GRID2: variants seen among roughly 807,000 people sequenced by gnomAD.
The protein encoded by GRID2 is glutamate receptor ionotropic, delta-2.
A neutral mutation model predicts 114.8 loss-of-function variants in GRID2; 33 were observed. The observed-to-expected ratio is 0.29, with a 90% CI of 0.22 to 0.38. The LOEUF is 0.38. GRID2 is among the 10% of genes least tolerant of loss of function. The probability of loss-of-function intolerance (pLI) is 1.00; values close to 1 mark genes in which losing one functional copy is unlikely to be tolerated. For missense variants in GRID2, 1,184 were observed against 1,257.7 expected, an observed-to-expected ratio of 0.94 and a Z score of 0.89; for synonymous variants, 505 against 449.9, an observed-to-expected ratio of 1.12 and a Z score of -1.55.
intron 2 of GRID2, among the ~76,000 whole-genome samples, chr4:92,965,353 A>G (rs982766677): frequency 3.3e-5 from 5 of 150,980 alleles, no homozygotes; most frequent in East Asian, 2.0e-4. Context: ...AGAATTACCA[A>G]AGTGTGACAC....
At chr4:92,947,730 A>C (rs530838088) in intron 2 of GRID2, among the ~76,000 whole-genome samples, 1 of 151,740 alleles carries the variant, frequency 6.6e-6, no homozygotes, top group African/African-American at 2.4e-5. Context: ...GTGTGTTTGT[A>C]ATGATGTAGT....
chr4:93,140,214 A>T (rs1206662933), intron 4 of GRID2, among the ~76,000 whole-genome samples: 1 of 138,740 alleles, frequency 7.2e-6, no homozygotes, highest in Non-Finnish European at 1.5e-5. Flanking sequence ...GCTCGAGTGC[A>T]GTGGCAGGAC....
intron 14 of GRID2, among the ~76,000 whole-genome samples, chr4:93,711,744 T>C (rs1172269113): frequency 6.6e-6 from 1 of 152,200 alleles, no homozygotes; most frequent in Non-Finnish European, 1.5e-5. Flanking sequence ...ATTCTCCATC[T>C]GCACCACATG....
At chr4:92,368,283 T>C (rs1253349488) in intron 1 of GRID2, among the ~76,000 whole-genome samples, 1 of 152,060 alleles carries the variant, frequency 6.6e-6, no homozygotes, top group Admixed American at 6.6e-5. Flanking sequence ...GCTCAGGACC[T>C]AGAGTTGTCC....
intron 13 of GRID2, among the ~76,000 whole-genome samples, chr4:93,520,097 G>T (rs961998025): frequency 2.0e-5 from 3 of 152,176 alleles, no homozygotes; most frequent in African/African-American, 7.2e-5. Context: ...TAGTGAGTAA[G>T]CTTACCCCAG....
intron 1 of GRID2, among the ~76,000 whole-genome samples, chr4:92,322,928 A>C (rs559332277): frequency 6.6e-6 from 1 of 152,102 alleles, no homozygotes; most frequent in Admixed American, 6.6e-5. Context: ...CTGATTTTTA[A>C]AAATCAGAAT....
intron 1 of GRID2, among the ~76,000 whole-genome samples, chr4:92,382,152 A>G (rs948288721): frequency 4.6e-5 from 7 of 151,962 alleles, no homozygotes; most frequent in African/African-American, 1.7e-4. Flanking sequence ...AATTTAGTAA[A>G]ATTTTTATTA....
chr4:93,165,544 T>C (rs529742628), intron 4 of GRID2, among the ~76,000 whole-genome samples: 1 of 152,110 alleles, frequency 6.6e-6, no homozygotes, highest in East Asian at 1.9e-4. Context: ...CAGCAGAGAA[T>C]CAGAATAGGA....
At chr4:92,812,793 A>G (rs562383610) in intron 2 of GRID2, among the ~76,000 whole-genome samples, 1 of 152,256 alleles carries the variant, frequency 6.6e-6, no homozygotes, top group East Asian at 1.9e-4. Flanking sequence ...CATTCAGTCC[A>G]ATAACTCGTT....
intron 1 of GRID2, among the ~76,000 whole-genome samples, chr4:93,782,527 T>G (rs1734500779): frequency 1.3e-5 from 2 of 152,244 alleles, no homozygotes; most frequent in East Asian, 3.9e-4. Flanking sequence ...GAGGTAGGTC[T>G]GAAATACTCA....
chr4:93,698,741 A>G (rs768242405), intron 14 of GRID2, among the ~76,000 whole-genome samples: 7 of 152,152 alleles, frequency 4.6e-5, no homozygotes, highest in South Asian at 2.1e-4. Context: ...TTTAACTTCA[A>G]AAGTATTCTT....
At chr4:93,057,580 G>A (rs1028506986) in intron 2 of GRID2, among the ~76,000 whole-genome samples, 1 of 151,734 alleles carries the variant, frequency 6.6e-6, no homozygotes, top group African/African-American at 2.4e-5. Flanking sequence ...CTACGTATGC[G>A]TTATTGATTT....
chr4:93,757,601 T>C (rs971489817), intron 14 of GRID2, among the ~76,000 whole-genome samples: 1 of 152,238 alleles, frequency 6.6e-6, no homozygotes, highest in African/African-American at 2.4e-5. Context: ...GCAGTGGAAC[T>C]ATCCAGTACT....
At chr4:93,455,171 C>A (rs1175921179) in intron 10 of GRID2, among the ~76,000 whole-genome samples, 1 of 151,918 alleles carries the variant, frequency 6.6e-6, no homozygotes, top group East Asian at 1.9e-4. Context: ...TGTTTAGAGC[C>A]CAATAATATA....
chr4:93,522,437 G>T (rs566257942), intron 13 of GRID2, among the ~76,000 whole-genome samples: 23 of 152,284 alleles, frequency 1.5e-4, no homozygotes, highest in Non-Finnish European at 2.9e-4. Context: ...GTGAGTATTT[G>T]TCTAGCCATC....
intron 1 of GRID2, among the ~76,000 whole-genome samples, chr4:92,515,039 A>G (rs138120123): frequency 3.9e-5 from 6 of 152,032 alleles, no homozygotes; most frequent in African/African-American, 1.4e-4. Context: ...GCCCTCAACT[A>G]TGCAGAAATA....
At chr4:93,373,764 G>A (rs892233503) in intron 8 of GRID2, among the ~76,000 whole-genome samples, 5 of 152,184 alleles carry the variant, frequency 3.3e-5, no homozygotes, top group African/African-American at 1.2e-4. Context: ...GTGGCTATGT[G>A]CCATTCTTGG....
At position 93,236,031 on chromosome 4, in the gene GRID2, T is replaced by C. The variant is rs1746748719; in HGVS notation, c.1126-2340T>C. ...TTCTGATATAATTAGAAGATATTAATCAGGTAGATGTGTGATTATGAACAA... is the reference window on the plus strand; with the variant it reads ...TTCTGATATAATTAGAAGATATTAACCAGGTAGATGTGTGATTATGAACAA... On this transcript the variant is annotated intron_variant, in intron 7 of 15. Coordinates refer to ENST00000282020, the MANE Select transcript of GRID2 (RefSeq NM_001510.4). 3.3e-5 allele frequency among the ~76,000 whole-genome samples: 5 copies of C among 152,100 alleles called. No individual in the cohort carries two copies. The South Asian group carries it at 1.0e-3, about 32-fold the overall frequency.
intron 6 of GRID2, among the ~76,000 whole-genome samples, chr4:93,223,622 A>G (rs1434846101): frequency 6.6e-6 from 1 of 152,142 alleles, no homozygotes; most frequent in Non-Finnish European, 1.5e-5. Context: ...CAAAAATCTG[A>G]AAAACACAAA....
Sources: gnomAD v4.1 joint callset for allele counts (sites outside exome capture counted in the v4.1 genomes callset) on GRCh38, gnomAD v4.1.1 for gene constraint, MANE v1.5 for transcripts, NCBI Gene and HGNC (gene_info 2026-07-23, HGNC 2026-07-21) for gene names.